Variants in TYW1 observed in about 807,000 individuals in gnomAD.
TYW1 encodes tRNA-yW synthesizing protein 1 homolog.
TYW1 carries 46 observed loss-of-function variants against 96.2 expected under a neutral mutation model. That is an observed-to-expected ratio of 0.48 (90% CI 0.38 to 0.61). The LOEUF (loss-of-function observed/expected upper bound fraction) is 0.61, where lower values mean the gene tolerates loss of function less well. TYW1 is among the 20% of genes least tolerant of loss of function. The pLI is 0.00. For synonymous variants in TYW1, 274 were observed against 323.0 expected (o/e 0.85, Z 1.63); for missense variants, 684 against 909.6 (o/e 0.75, Z 3.19).
chr7:67,207,241 T>A (rs1003931940), intron 15 of TYW1, among the ~76,000 whole-genome samples: 1 of 152,224 alleles, frequency 6.6e-6, no homozygotes, highest in South Asian at 2.1e-4. Context: ...CTGGTACATA[T>A]CAGATTCTCC....
intron 12 of TYW1, among the ~76,000 whole-genome samples, chr7:67,114,872 C>T (rs1797543077): frequency 6.6e-6 from 1 of 152,136 alleles, no homozygotes; most frequent in Non-Finnish European, 1.5e-5. Context: ...TTCCTGGGGA[C>T]CTTTTCCTCT....
In TYW1 at chr7:67,238,350, C is replaced by T. The variant is rs769295152; in HGVS notation, c.2020C>T (p.Arg674Cys). The T allele has an allele frequency of 1.5e-5, 24 of 1,613,040 alleles. No homozygotes were observed. In the Admixed American group the frequency reaches 2.2e-4, roughly 15 times the overall value. Residue 674 changes from arginine (R) to cysteine (C), a missense_variant, in exon 16 of 16, where the codon CGC becomes TGC. Transcript: ENST00000359626. The stretch of plus-strand genomic sequence containing the variant: ...ATGGTGGACATGGATCGATTATAAC[C>T]GCTTCCAGGAGCTCATCCAGGAATA... The part of the protein sequence containing the change: ...GEWWTWIDYN[R>C]FQELIQEYED...
rs76112425 is a variant in TYW1 at position 67,099,034 on chromosome 7, T to A, written c.1562+316T>A. ...TTTATTTTATTTTATTATTATTATT[T>A]TTTTTTTTTGAGTCGGAGTCTCACT... On this transcript the variant is annotated intron_variant, in intron 12 of 15. Coordinates refer to ENST00000359626, the MANE Select transcript of TYW1 (RefSeq NM_018264.4). Among the ~76,000 whole-genome samples, 1,205 of 149,526 alleles carry A rather than the reference T, an allele frequency of 8.1e-3. 11 individuals are homozygous for A. Among genetic ancestry groups the A allele is most frequent in the South Asian group, 0.032 (151 of 4,764 alleles).
intron 10 of TYW1, among the ~76,000 whole-genome samples, chr7:67,075,908 CAA>C (rs1400109901): frequency 6.6e-6 from 1 of 152,166 alleles, no homozygotes; most frequent in Non-Finnish European, 1.5e-5. Context: ...AAAATTTATT[CAA>C]AGACCTGTGC....
chr7:67,206,509 T>C (rs1271283043), intron 15 of TYW1, among the ~76,000 whole-genome samples: 1 of 152,014 alleles, frequency 6.6e-6, no homozygotes, highest in African/African-American at 2.4e-5. Context: ...CTGGCACCTG[T>C]AATCACAACT....
chr7:67,000,162 T>C (rs1793332349), intron 3 of TYW1, among the ~76,000 whole-genome samples: 1 of 151,960 alleles, frequency 6.6e-6, no homozygotes, highest in Non-Finnish European at 1.5e-5. Flanking sequence ...TCTTAAACTC[T>C]TGGGCTCAAG....
intron 13 of TYW1, among the ~76,000 whole-genome samples, chr7:67,148,843 T>A (rs1397023464): frequency 6.6e-6 from 1 of 152,196 alleles, no homozygotes; most frequent in Non-Finnish European, 1.5e-5. Context: ...ACTGACATTT[T>A]AAAAAATAAC....
In TYW1 at chr7:67,105,084, G is replaced by C. The variant is rs34397684; in HGVS notation, c.1562+6366G>C. On this transcript the variant is annotated intron_variant, in intron 12 of 15. Transcript: ENST00000359626. The stretch of plus-strand genomic sequence containing the variant: ...GTGGCAGGGTTTCAAAGAGCAGCGA[G>C]GGGGGCAAGCCCCATTGCACGAGCA... Among the ~76,000 whole-genome samples the C allele has an allele frequency of 5.3e-5, 8 of 152,222 alleles. No individual in the cohort carries two copies. The East Asian group carries it at 1.2e-3, about 22-fold the overall frequency.
chr7:67,175,344 T>C (rs1388435539), intron 13 of TYW1, among the ~76,000 whole-genome samples: 1 of 152,096 alleles, frequency 6.6e-6, no homozygotes, highest in African/African-American at 2.4e-5. Flanking sequence ...GCTAATTTTG[T>C]ATTTTTAGTA....
At chr7:67,226,809 C>A (rs983059327) in intron 15 of TYW1, among the ~76,000 whole-genome samples, 23 of 152,226 alleles carry the variant, frequency 1.5e-4, no homozygotes, top group African/African-American at 5.3e-4. Flanking sequence ...ATTCCAAAAT[C>A]ACTTCTCCCT....
At chr7:67,117,252 A>G (rs1318362649) in intron 12 of TYW1, among the ~76,000 whole-genome samples, 2 of 152,180 alleles carry the variant, frequency 1.3e-5, no homozygotes, top group Non-Finnish European at 1.5e-5. Context: ...AAGTAATTCA[A>G]TATTTTCAAT....
In TYW1 at chr7:67,117,561, A is replaced by T; in HGVS notation, c.1641A>T (p.Pro547=). Reference sequence around the variant, plus strand: ...ACAGCCTGAAGAAAATCGACCGCCCACTCTTCAAGGATTTCTGGCAGAGAT... The same window carrying T: ...ACAGCCTGAAGAAAATCGACCGCCCTCTCTTCAAGGATTTCTGGCAGAGAT... ...TKDSLKKIDR[P]LFKDFWQRFL... is the part of the protein sequence containing the mutation. Residue 547 remains proline, a synonymous_variant, in exon 13 of 16, where the codon CCA becomes CCT. Transcript: ENST00000359626. The T allele has an allele frequency of 6.2e-7, 1 of 1,613,998 alleles. No individual in the cohort carries two copies. The highest frequency in any genetic ancestry group is 8.5e-7 in the Non-Finnish European group (1 of 1,179,970).
intron 13 of TYW1, among the ~76,000 whole-genome samples, chr7:67,120,267 A>C (rs1797722692): frequency 6.7e-6 from 1 of 149,512 alleles, no homozygotes; most frequent in South Asian, 2.1e-4. Flanking sequence ...TTTTTAGTAG[A>C]GATGGGGTTT....
chr7:67,142,925 C>T (rs536544551), intron 13 of TYW1, among the ~76,000 whole-genome samples: 112 of 151,990 alleles, frequency 7.4e-4, no homozygotes, highest in Middle Eastern at 3.4e-3. Flanking sequence ...TGGTGGCAGG[C>T]GCCTGTAATC....
In TYW1 at chr7:67,009,665, A is replaced by T; in HGVS notation, c.356A>T (p.Asp119Val). ...AIINLKEYDPDDHLIEEVTSK... is the reference protein window; with the variant it reads ...AIINLKEYDPVDHLIEEVTSK... ...ATTAATCTAAAAGAATATGATCCAGATGATCATCTGATAGAAGAGGTTGGT... is the reference window on the plus strand; with the variant it reads ...ATTAATCTAAAAGAATATGATCCAGTTGATCATCTGATAGAAGAGGTTGGT... Residue 119 changes from aspartate to valine, a missense_variant, in exon 4 of 16, where the codon GAT (aspartate) becomes GTT (valine). Transcript: ENST00000359626. 1.2e-6 allele frequency: 2 copies of T among 1,608,670 alleles called. No homozygotes were observed. Among genetic ancestry groups the T allele is most frequent in the Non-Finnish European group, 1.7e-6 (2 of 1,178,510 alleles).
intron 13 of TYW1, among the ~76,000 whole-genome samples, chr7:67,123,157 G>C (rs942825741): frequency 1.3e-5 from 2 of 152,092 alleles, no homozygotes; most frequent in African/African-American, 4.8e-5. Flanking sequence ...CAGTGCCAAA[G>C]TCTATTCTTG....
intron 7 of TYW1, among the ~76,000 whole-genome samples, chr7:67,038,274 G>T (rs908118090): frequency 3.3e-5 from 5 of 152,020 alleles, no homozygotes; most frequent in Non-Finnish European, 5.9e-5. Flanking sequence ...CTGCACTCCA[G>T]CCTGGGTGAC....
chr7:67,011,289 C>T (rs1015113433), intron 4 of TYW1, among the ~76,000 whole-genome samples: 19 of 152,272 alleles, frequency 1.2e-4, no homozygotes, highest in African/African-American at 3.6e-4. Context: ...TTATTTGCCT[C>T]GGCCTCCCAT....
intron 15 of TYW1, among the ~76,000 whole-genome samples, chr7:67,237,210 A>T (rs1197587358): frequency 6.8e-6 from 1 of 146,676 alleles, no homozygotes; most frequent in African/African-American, 2.6e-5. Flanking sequence ...TTTAAAAGAC[A>T]GTGGCATGGG....
Sources: allele counts gnomAD v4.1 joint callset (sites outside exome capture counted in the v4.1 genomes callset), GRCh38; gene constraint gnomAD v4.1.1; transcripts MANE v1.5; gene names NCBI Gene and HGNC (gene_info 2026-07-23, HGNC 2026-07-21).